The following TMEM168 variants were observed in gnomAD, a reference collection of about 807,000 sequenced individuals.
The protein encoded by TMEM168 is transmembrane protein 168.
In TMEM168, 40 loss-of-function variants were observed where a neutral mutation model predicts 53.2. That is an observed-to-expected ratio of 0.75 (90% CI 0.58 to 0.98). TMEM168 has a LOEUF of 0.98. TMEM168 is among the 50% of genes least tolerant of loss of function. The probability of loss-of-function intolerance (pLI) is 0.00; values close to 1 mark genes in which losing one functional copy is unlikely to be tolerated. For missense variants in TMEM168, 771 were observed against 828.8 expected (o/e 0.93, Z 0.86); for synonymous variants, 282 against 293.0 (o/e 0.96, Z 0.38).
At chr7:112,780,121 AG>A (rs2116278477) in intron 2 of TMEM168, among the ~76,000 whole-genome samples, 1 of 152,332 alleles carries the variant, frequency 6.6e-6, no homozygotes, top group East Asian at 1.9e-4. Flanking sequence ...AGTAGGGCAT[AG>A]TGGAAAGGAC....
chr7:112,772,531 T>C (rs184682735), intron 4 of TMEM168, among the ~76,000 whole-genome samples: 1 of 152,318 alleles, frequency 6.6e-6, no homozygotes, highest in Non-Finnish European at 1.5e-5. Flanking sequence ...TCTGAAAATA[T>C]TTTAAGGGAA....
At chr7:112,781,650 G>A (rs938318140) in intron 2 of TMEM168, among the ~76,000 whole-genome samples, 5 of 150,958 alleles carry the variant, frequency 3.3e-5, no homozygotes, top group South Asian at 2.1e-4. Context: ...TTCAATAGGC[G>A]AAATGTTAAT....
rs777231218 is a variant in TMEM168, at chr7:112,772,943, T to C, written c.1384A>G (p.Thr462Ala). The C allele has an allele frequency of 6.2e-7, 1 of 1,614,036 alleles. No individual in the cohort carries two copies. Among genetic ancestry groups the C allele is most frequent in the African/African-American group, 1.3e-5 (1 of 75,030 alleles). ...QRFFAYHMIE[T>A]YGCDYSTSGL... ...CTTGTGGAATAGTCACATCCATAGG[T>C]CTCAATCATATGATATGCAAAAAAT... is the stretch of plus-strand genomic sequence containing the variant. The change falls in exon 4 of 5, where the codon ACC becomes GCC. Residue 462 changes from threonine (T) to alanine (A), a missense_variant. By Grantham distance (58) the Thr-to-Ala change is moderately conservative. Transcript: ENST00000312814.
chr7:112,769,936 C>T (rs1584435840), intron 4 of TMEM168, among the ~76,000 whole-genome samples: 2 of 152,276 alleles, frequency 1.3e-5, no homozygotes, highest in South Asian at 2.1e-4. Flanking sequence ...AATATAGATT[C>T]TCTTTCCCAC....
Position 112,784,423 on chromosome 7 carries a change from T to C in TMEM168, c.403A>G (p.Ile135Val), listed in dbSNP as rs779261042. The C allele has an allele frequency of 3.7e-6, 6 of 1,613,960 alleles. No homozygotes were observed. Among genetic ancestry groups the C allele is most frequent in the Non-Finnish European group, 5.1e-6 (6 of 1,180,006 alleles). Residue 135 changes from isoleucine (I) to valine (V), a missense_variant, in exon 2 of 5, where the codon ATA (isoleucine) becomes GTA (valine). Transcript: ENST00000312814. ...YLLLTSIVLR[I>V]LCSLVERISG... ...ATTCTCTCCACCAGAGAGCACAATA[T>C]CCTTAACACTATGGATGTTAGAAGC... is the stretch of plus-strand genomic sequence containing the variant.
chr7:112,771,561 C>T (rs1471402721), intron 4 of TMEM168, among the ~76,000 whole-genome samples: 1 of 152,132 alleles, frequency 6.6e-6, no homozygotes, highest in Non-Finnish European at 1.5e-5. Flanking sequence ...TAGAAGGCCA[C>T]TGAGTTATTC....
chr7:112,773,113 T>C (rs1265245443), intron 3 of TMEM168, 58 bp from the exon 4 acceptor site: 8 of 1,490,344 alleles, frequency 5.4e-6, no homozygotes, highest in Non-Finnish European at 7.2e-6. Context: ...CATCTGTCAT[T>C]TGTAACTGAT....
In TMEM168 at chr7:112,764,161, A is replaced by G. The variant is rs1792716720; in HGVS notation, c.*3036T>C. 6.6e-6 allele frequency: 1 copy of G among 151,728 alleles called. No individual in the cohort carries two copies. Among genetic ancestry groups the G allele is most frequent in the Non-Finnish European group, 1.5e-5 (1 of 67,904 alleles). 9.4% of individuals were successfully genotyped at this position (151,728 alleles called of 1,614,324 possible). ...AATTAAAATAAATAAATAATGGTTA[A>G]AAAAAGAAAATAAATTCATACTGTT... On this transcript the variant is annotated 3_prime_UTR_variant, in exon 5 of 5. Transcript: ENST00000312814.
chr7:112,769,658 A>C (rs1266862366), intron 4 of TMEM168, among the ~76,000 whole-genome samples: 2 of 152,176 alleles, frequency 1.3e-5, no homozygotes, highest in Admixed American at 1.3e-4. Context: ...TTTGGCCCAG[A>C]TTCAAAGTAC....
In TMEM168 at chr7:112,783,983, G is replaced by A. The variant is rs143262336; in HGVS notation, c.843C>T (p.Ser281=). The change falls in exon 2 of 5, where the codon TCC becomes TCT. Residue 281 remains serine (S), a synonymous_variant. Coordinates refer to ENST00000312814, the MANE Select transcript of TMEM168 (RefSeq NM_022484.6). ...GGTGAGTGTCTCTAAGTTTGAATGC[G>A]GAAAGAATAAAAAATGTAAGCTCAA... ...GMIELTFFIL[S]AFKLRDTHLW... is the part of the protein sequence containing the mutation. The A allele has an allele frequency of 2.4e-5, 39 of 1,612,816 alleles. No homozygotes were observed. The highest frequency in any genetic ancestry group is 2.0e-4 in the Admixed American group (12 of 59,850).
intron 3 of TMEM168, among the ~76,000 whole-genome samples, chr7:112,774,564 A>G (rs1333810354): frequency 6.6e-6 from 1 of 151,104 alleles, no homozygotes; most frequent in African/African-American, 2.4e-5. Context: ...GCTTCAGAGG[A>G]CACTTTCTTT....
chr7:112,787,016 A>AT (rs1358625515), intron 1 of TMEM168, among the ~76,000 whole-genome samples: 6 of 152,210 alleles, frequency 3.9e-5, no homozygotes, highest in Admixed American at 1.3e-4. Flanking sequence ...CCTTTCAGCC[A>AT]TATTGTGCAT....
intron 4 of TMEM168, 122 bp downstream of exon 4, chr7:112,772,659 G>T: frequency 9.0e-7 from 1 of 1,114,554 alleles, no homozygotes; most frequent in Non-Finnish European, 1.3e-6. Context: ...AAACAAATTA[G>T]AGTCATATGC....
At chr7:112,786,117 G>A (rs997858707) in intron 1 of TMEM168, among the ~76,000 whole-genome samples, 3 of 152,238 alleles carry the variant, frequency 2.0e-5, no homozygotes, top group Non-Finnish European at 4.4e-5. Flanking sequence ...CAGGAGAATC[G>A]CTTGAACCCA....
rs570092052 is a variant in TMEM168 at position 112,765,173 on chromosome 7, T to G, written c.*2024A>C. 2 of 152,272 alleles carry G rather than the reference T, an allele frequency of 1.3e-5. No homozygotes were observed. Among genetic ancestry groups the G allele is most frequent in the South Asian group, 4.1e-4 (2 of 4,830 alleles). 9.4% of individuals were successfully genotyped at this position (152,272 alleles called of 1,614,324 possible). ...TACCATCCCAAAAAGTCATTTATTGTTTTTTGTTTGTTTGGGTAGGAGAAT... is the reference window on the plus strand; with the variant it reads ...TACCATCCCAAAAAGTCATTTATTGGTTTTTGTTTGTTTGGGTAGGAGAAT... On this transcript the variant is annotated 3_prime_UTR_variant, in exon 5 of 5. Transcript: ENST00000312814.
intron 4 of TMEM168, 105 bp from the exon 5 acceptor site, chr7:112,767,849 T>A: frequency 1.0e-6 from 1 of 984,694 alleles, no homozygotes; most frequent in African/African-American, 1.7e-5. Context: ...TTGTTATACA[T>A]GTATTTTCCT....
Position 112,784,064 on chromosome 7 carries a change from G to C in TMEM168, c.762C>G (p.Pro254=), listed in dbSNP as rs1190706710. The change falls in exon 2 of 5, where the codon CCC becomes CCG. Residue 254 remains proline (P), a synonymous_variant. Coordinates refer to ENST00000312814, the MANE Select transcript of TMEM168 (RefSeq NM_022484.6). ...TGCAAATTCTTCCACGGTACAAAAAGGGTTTCCATCTTTCAGTTACTGAAA... is the reference window on the plus strand; with the variant it reads ...TGCAAATTCTTCCACGGTACAAAAACGGTTTCCATCTTTCAGTTACTGAAA... ...SGLSVTERWK[P]FLYRGRICRR... The C allele has an allele frequency of 6.2e-7, 1 of 1,612,694 alleles. No individual in the cohort carries two copies. The highest frequency in any genetic ancestry group is 2.2e-5 in the East Asian group (1 of 44,860).
intron 2 of TMEM168, among the ~76,000 whole-genome samples, chr7:112,775,715 T>C: frequency 6.6e-6 from 1 of 152,066 alleles, no homozygotes; most frequent in East Asian, 1.9e-4. Flanking sequence ...AAATAACAGA[T>C]TTATTTACTT....
chr7:112,778,806 A>G (rs1793156746), intron 2 of TMEM168: 1 of 152,200 alleles, frequency 6.6e-6, no homozygotes, highest in African/African-American at 2.4e-5. Context: ...AAATAAGTAG[A>G]TATTTAGGGG....
Sources: gnomAD v4.1 joint callset for allele counts (sites outside exome capture counted in the v4.1 genomes callset) on GRCh38, gnomAD v4.1.1 for gene constraint, MANE v1.5 for transcripts, NCBI Gene and HGNC (gene_info 2026-07-23, HGNC 2026-07-21) for gene names.